Variants in ADAMTS6 observed in about 807,000 individuals in gnomAD.
ADAMTS6 encodes A disintegrin and metalloproteinase with thrombospondin motifs 6.
A neutral mutation model predicts 144.3 loss-of-function variants in ADAMTS6; 23 were observed. The observed-to-expected ratio is 0.16, with a 90% confidence interval of 0.11 to 0.23. The LOEUF is 0.23. Among genes scored for constraint, ADAMTS6 ranks in the 10% least tolerant of loss-of-function variants. The pLI, the probability that ADAMTS6 is intolerant of heterozygous loss-of-function variation, is 1.00. For synonymous variants in ADAMTS6, 444 were observed against 457.5 expected, an observed-to-expected ratio of 0.97 and a Z score of 0.38; for missense variants, 999 against 1,379.6, an observed-to-expected ratio of 0.72 and a Z score of 4.37.
At chr5:65,170,302 C>T (rs937545943) in intron 24 of ADAMTS6, among the ~76,000 whole-genome samples, 49 of 152,192 alleles carry the variant, frequency 3.2e-4, no homozygotes, top group Non-Finnish European at 4.8e-4. Flanking sequence ...CATTAGGAAA[C>T]AGCTCTAAAG....
At chr5:65,370,426 C>T (rs542803218) in intron 7 of ADAMTS6, among the ~76,000 whole-genome samples, 3 of 152,218 alleles carry the variant, frequency 2.0e-5, no homozygotes, top group Non-Finnish European at 4.4e-5. Context: ...GCGCACCATG[C>T]GTGAGCCGAA....
intron 18 of ADAMTS6, among the ~76,000 whole-genome samples, chr5:65,219,810 CAT>C (rs1284582489): frequency 6.6e-6 from 1 of 152,148 alleles, no homozygotes; most frequent in African/African-American, 2.4e-5. Flanking sequence ...ACACCTAAAA[CAT>C]AGTTTCAAAA....
At chr5:65,299,628 C>G (rs191302330) in intron 10 of ADAMTS6, among the ~76,000 whole-genome samples, 54 of 151,994 alleles carry the variant, frequency 3.6e-4, no homozygotes, top group Non-Finnish European at 5.9e-4. Context: ...CTATAGAACT[C>G]AGTTTTTTCA....
intron 20 of ADAMTS6, among the ~76,000 whole-genome samples, chr5:65,207,985 A>G (rs1016485316): frequency 6.6e-6 from 1 of 152,244 alleles, no homozygotes; most frequent in African/African-American, 2.4e-5. Flanking sequence ...AAAACTGTAA[A>G]TATATAGGCA....
chr5:65,215,988 A>G (rs1229527049), intron 18 of ADAMTS6, among the ~76,000 whole-genome samples: 1 of 152,178 alleles, frequency 6.6e-6, no homozygotes, highest in Non-Finnish European at 1.5e-5. Flanking sequence ...AAGAACAAGA[A>G]ATGGGGCTAA....
chr5:65,433,500 G>A lies in ADAMTS6; in HGVS notation c.1073+17975C>T, dbSNP rs186271162. ...TACTTGAATAATTAATATAGTCCGA[G>A]TGACTACTTGGTTTTTCATAAAGTT... On this transcript the variant is annotated intron_variant, in intron 7 of 24. Coordinates refer to ENST00000381055, the MANE Select transcript of ADAMTS6 (RefSeq NM_197941.4). Among the ~76,000 whole-genome samples the A allele has an allele frequency of 5.7e-4, 86 of 152,186 alleles. 1 individual carries two copies. Among genetic ancestry groups the A allele is most frequent in the Non-Finnish European group, 2.9e-5 (2 of 68,010 alleles).
intron 11 of ADAMTS6, among the ~76,000 whole-genome samples, chr5:65,285,167 A>G (rs971164108): frequency 6.6e-6 from 1 of 152,256 alleles, no homozygotes; most frequent in East Asian, 1.9e-4. Context: ...TGCCTTAGAC[A>G]TTATGTTATT....
At chr5:65,256,430 T>C (rs1466683660) in intron 14 of ADAMTS6, 2 of 152,184 alleles carry the variant, frequency 1.3e-5, no homozygotes, top group East Asian at 1.9e-4. Context: ...AGCATGAAAA[T>C]ACATTTTAGT....
chr5:65,339,709 G>A (rs759531217), intron 7 of ADAMTS6, among the ~76,000 whole-genome samples: 1 of 151,582 alleles, frequency 6.6e-6, no homozygotes, highest in Admixed American at 6.6e-5. Context: ...TTAAATGAAG[G>A]AAATAAATAC....
At chr5:65,172,400 T>C (rs1753689168) in intron 23 of ADAMTS6, among the ~76,000 whole-genome samples, 1 of 149,572 alleles carries the variant, frequency 6.7e-6, no homozygotes, top group Non-Finnish European at 1.5e-5. Context: ...AGCGACAGAG[T>C]GAGACTCCAT....
In ADAMTS6 at chr5:65,199,130, A is replaced by AT. The variant is rs201778178; in HGVS notation, c.2576-1980dup. Among the ~76,000 whole-genome samples the AT allele has an allele frequency of 2.9e-3, 437 of 151,436 alleles. 2 individuals carry two copies. The highest frequency in any genetic ancestry group is 1.0e-2 in the African/African-American group (411 of 41,302). ...TTTTTTTTTATTGGTTAGTGTGATT[A>AT]TTTTTTTTTAAGTCATTCAAACATG... On this transcript the variant is annotated intron_variant, in intron 20 of 24. Transcript: ENST00000381055.
chr5:65,310,994 A>G (rs1744440943), intron 9 of ADAMTS6, among the ~76,000 whole-genome samples: 1 of 152,160 alleles, frequency 6.6e-6, no homozygotes, highest in South Asian at 2.1e-4. Context: ...GAGTAAGAAA[A>G]AGAGAAAAGT....
At chr5:65,240,586 T>C (rs1469400444) in intron 15 of ADAMTS6, among the ~76,000 whole-genome samples, 1 of 152,122 alleles carries the variant, frequency 6.6e-6, no homozygotes, top group Non-Finnish European at 1.5e-5. Context: ...ATGGGAATAG[T>C]AGCCTTATAA....
At chr5:65,451,751 T>A in intron 6 of ADAMTS6, 131 bp from the exon 7 acceptor site, 1 of 1,065,216 alleles carries the variant, frequency 9.4e-7, no homozygotes, top group East Asian at 2.6e-5. Flanking sequence ...CCAATTTTTA[T>A]CTCTGTAATA....
intron 1 of ADAMTS6, among the ~76,000 whole-genome samples, chr5:65,479,605 T>C (rs916823012): frequency 6.6e-6 from 1 of 152,166 alleles, no homozygotes; most frequent in East Asian, 1.9e-4. Flanking sequence ...ATTCCAAATA[T>C]GCTGTTAACT....
chr5:65,469,591 A>G (rs983020279), intron 3 of ADAMTS6, among the ~76,000 whole-genome samples: 4 of 152,228 alleles, frequency 2.6e-5, no homozygotes, highest in African/African-American at 9.6e-5. Context: ...AGTATACTCA[A>G]TTTGTCTATT....
At chr5:65,181,176 G>A (rs1379242531) in intron 22 of ADAMTS6, among the ~76,000 whole-genome samples, 2 of 152,158 alleles carry the variant, frequency 1.3e-5, no homozygotes, top group Non-Finnish European at 2.9e-5. Context: ...TATATGTATT[G>A]TCTAATTTAA....
At chr5:65,326,120 C>G (rs527720558) in intron 9 of ADAMTS6, among the ~76,000 whole-genome samples, 68 of 151,876 alleles carry the variant, frequency 4.5e-4, no homozygotes, top group African/African-American at 1.6e-3. Context: ...TTTTAAGACC[C>G]CTTGTTAAGA....
rs565893401 is a variant in ADAMTS6, at chr5:65,221,836, T to C, written c.2272+2484A>G. 2.9e-4 allele frequency among the ~76,000 whole-genome samples: 44 copies of C among 152,188 alleles called. 1 individual carries two copies. In the South Asian group the frequency reaches 8.9e-3, roughly 31 times the overall value. ...CAATATAAAAAGAAATAAACTATAT[T>C]ATTCCCTAACAACAAAAAACTGGAA... On this transcript the variant is annotated intron_variant, in intron 18 of 24. Coordinates refer to ENST00000381055, the MANE Select transcript of ADAMTS6 (RefSeq NM_197941.4).
Sources: allele counts gnomAD v4.1 joint callset (sites outside exome capture counted in the v4.1 genomes callset), GRCh38; gene constraint gnomAD v4.1.1; transcripts MANE v1.5; gene names NCBI Gene and HGNC (gene_info 2026-07-23, HGNC 2026-07-21).